NAV3: variants seen among roughly 807,000 people sequenced by gnomAD.
The protein encoded by NAV3 is pore membrane and/or filament interacting like protein 1.
NAV3 carries 87 observed loss-of-function variants against 244.7 expected under a neutral mutation model. The observed-to-expected ratio is 0.36, with a 90% CI of 0.30 to 0.42. The LOEUF is 0.42. NAV3 is among the 20% of genes least tolerant of loss of function. The probability of loss-of-function intolerance (pLI) is 1.00; values close to 1 mark genes in which losing one functional copy is unlikely to be tolerated. For missense variants in NAV3, 2,663 were observed against 2,893.3 expected (o/e 0.92, Z 1.83); for synonymous variants, 1,126 against 1,042.2 (o/e 1.08, Z -1.55).
intron 2 of NAV3, among the ~76,000 whole-genome samples, chr12:77,657,960 AAAT>A (rs1221301845): frequency 6.6e-6 from 1 of 152,168 alleles, no homozygotes; most frequent in Non-Finnish European, 1.5e-5. Flanking sequence ...ATGTATCTCA[AAAT>A]AATAAGAACT....
intron 22 of NAV3, among the ~76,000 whole-genome samples, chr12:78,149,147 T>C (rs1956977351): frequency 6.6e-6 from 1 of 152,106 alleles, no homozygotes; most frequent in Non-Finnish European, 1.5e-5. Flanking sequence ...CTAATAAGAT[T>C]GGAAACAATA....
intron 12 of NAV3, among the ~76,000 whole-genome samples, chr12:78,110,311 C>A (rs1955022963): frequency 6.6e-6 from 1 of 151,978 alleles, no homozygotes; most frequent in South Asian, 2.1e-4. Context: ...TGAGAAACAT[C>A]CCATGTTTAT....
Position 78,140,279 on chromosome 12 carries a change from C to T in NAV3, c.4631-3C>T, listed in dbSNP as rs1956550785. On this transcript the variant is annotated splice_polypyrimidine_tract_variant and splice_region_variant and intron_variant, in intron 19 of 39. Coordinates refer to ENST00000397909, the MANE Select transcript of NAV3 (RefSeq NM_001024383.2). ...ACTCTATTGTTCTGTTTGTTTTCTCCAGTTCATGGCTCTTCATTATCACTG... is the reference window on the plus strand; with the variant it reads ...ACTCTATTGTTCTGTTTGTTTTCTCTAGTTCATGGCTCTTCATTATCACTG... 1.9e-6 allele frequency: 3 copies of T among 1,612,414 alleles called. No individual in the cohort carries two copies. Among genetic ancestry groups the T allele is most frequent in the Non-Finnish European group, 2.5e-6 (3 of 1,178,804 alleles).
chr12:77,743,244 G>A (rs773039805), intron 2 of NAV3, among the ~76,000 whole-genome samples: 6 of 151,688 alleles, frequency 4.0e-5, no homozygotes, highest in African/African-American at 9.7e-5. Flanking sequence ...TATAACATAC[G>A]AAATATGTGT....
At position 78,118,313 on chromosome 12, in the gene NAV3, G is replaced by T. The variant is rs1955514260; in HGVS notation, c.3040+16G>T. The T allele has an allele frequency of 6.3e-7, 1 of 1,576,992 alleles. No homozygotes were observed. The highest frequency in any genetic ancestry group is 2.3e-5 in the East Asian group (1 of 44,212). On this transcript the variant is annotated intron_variant, in intron 14 of 39. Coordinates refer to ENST00000397909, the MANE Select transcript of NAV3 (RefSeq NM_001024383.2). ...AAAACACCCGGTAGGCTTGTCGTTT[G>T]CCAGCTGTTATGCAAAAGTGCTTTA... is the stretch of plus-strand genomic sequence containing the variant.
chr12:77,666,481 CAA>C (rs1441875148), intron 2 of NAV3, among the ~76,000 whole-genome samples: 1 of 151,624 alleles, frequency 6.6e-6, no homozygotes, highest in African/African-American at 2.4e-5. Context: ...CCAAATGTTG[CAA>C]AGTTTATCTA....
intron 2 of NAV3, among the ~76,000 whole-genome samples, chr12:77,577,242 C>A (rs1869132005): frequency 6.6e-6 from 1 of 152,116 alleles, no homozygotes; most frequent in Non-Finnish European, 1.5e-5. Context: ...AGCTGTCTCC[C>A]AGTTATTTTA....
intron 9 of NAV3, among the ~76,000 whole-genome samples, chr12:78,042,048 A>G (rs895362218): frequency 6.6e-6 from 1 of 151,236 alleles, no homozygotes; most frequent in Non-Finnish European, 1.5e-5. Context: ...TAATCTATCC[A>G]TTCCAATTCC....
At chr12:77,587,943 A>G (rs1869691447) in intron 2 of NAV3, among the ~76,000 whole-genome samples, 1 of 152,196 alleles carries the variant, frequency 6.6e-6, no homozygotes, top group Non-Finnish European at 1.5e-5. Context: ...GTGATCAAAG[A>G]CACATATATA....
intron 23 of NAV3, among the ~76,000 whole-genome samples, chr12:78,165,204 AATCTT>A (rs1312928809): frequency 6.6e-6 from 1 of 152,004 alleles, no homozygotes; most frequent in African/African-American, 2.4e-5. Flanking sequence ...AGGAAAATGA[AATCTT>A]AGTTTGGTTC....
intron 2 of NAV3, among the ~76,000 whole-genome samples, chr12:77,652,969 A>G (rs988172479): frequency 2.0e-5 from 3 of 152,238 alleles, no homozygotes; most frequent in Admixed American, 2.0e-4. Context: ...TATTTTTCAA[A>G]GTGTGTTCAA....
intron 18 of NAV3, among the ~76,000 whole-genome samples, chr12:78,133,717 T>C (rs1434223569): frequency 2.6e-5 from 4 of 152,158 alleles, no homozygotes; most frequent in Non-Finnish European, 5.9e-5. Flanking sequence ...CCCAGCATGC[T>C]AGCCCTAGTA....
chr12:78,008,696 G>GT (rs1308013472), intron 8 of NAV3, among the ~76,000 whole-genome samples: 4 of 151,712 alleles, frequency 2.6e-5, no homozygotes, highest in East Asian at 1.9e-4. Flanking sequence ...TTTTTCTGAG[G>GT]TTTTTTATAC....
At chr12:78,200,376 T>C in intron 37 of NAV3, 97 bp from the exon 38 acceptor site, 2 of 677,916 alleles carry the variant, frequency 3.0e-6, no homozygotes, top group Non-Finnish European at 4.5e-6. Flanking sequence ...TCTAGGAATT[T>C]TGCAAGAAAT....
chr12:77,992,404 G>A (rs1319689061), intron 5 of NAV3, among the ~76,000 whole-genome samples: 1 of 152,154 alleles, frequency 6.6e-6, no homozygotes, highest in Non-Finnish European at 1.5e-5. Context: ...TGTAATAATT[G>A]AAAGGGAAAT....
intron 5 of NAV3, among the ~76,000 whole-genome samples, chr12:77,969,918 T>C (rs1029421031): frequency 6.6e-6 from 1 of 152,192 alleles, no homozygotes; most frequent in South Asian, 2.1e-4. Context: ...TTACTGAAAG[T>C]CAATTGATTA....
At chr12:77,689,581 A>C (rs1190126732) in intron 2 of NAV3, among the ~76,000 whole-genome samples, 1 of 151,876 alleles carries the variant, frequency 6.6e-6, no homozygotes, top group Non-Finnish European at 1.5e-5. Flanking sequence ...CAACTGTTGC[A>C]GTGCACTATA....
At chr12:77,793,992 C>T (rs148039675) in intron 2 of NAV3, among the ~76,000 whole-genome samples, 1,523 of 152,266 alleles carry the variant, frequency 0.01, 13 homozygotes, top group Non-Finnish European at 0.017. Context: ...CTGTTGTTTC[C>T]TGTCTTTTTT....
At chr12:77,834,358 TA>T (rs1268176359) in intron 1 of NAV3, among the ~76,000 whole-genome samples, 2 of 152,218 alleles carry the variant, frequency 1.3e-5, no homozygotes, top group African/African-American at 4.8e-5. Flanking sequence ...TAAAATAAAA[TA>T]TTTTTTATGG....
Sources: gnomAD v4.1 joint callset for allele counts (sites outside exome capture counted in the v4.1 genomes callset) on GRCh38, gnomAD v4.1.1 for gene constraint, MANE v1.5 for transcripts, NCBI Gene and HGNC (gene_info 2026-07-23, HGNC 2026-07-21) for gene names.